NRG1: variants seen among roughly 807,000 people sequenced by gnomAD.
NRG1 encodes the protein neuregulin 1, also known as pro-neuregulin-1, membrane-bound isoform.
NRG1 carries 18 observed loss-of-function variants against 63.8 expected under a neutral mutation model. The observed-to-expected ratio is 0.28, with a 90% confidence interval of 0.19 to 0.42. NRG1 has a LOEUF of 0.42. Among genes scored for constraint, NRG1 ranks in the 10% least tolerant of loss-of-function variants. The probability of loss-of-function intolerance (pLI) is 1.00; values close to 1 mark genes in which losing one functional copy is unlikely to be tolerated. For synonymous variants in NRG1, 302 were observed against 301.3 expected (o/e 1.00, Z -0.02); for missense variants, 762 against 814.7 (o/e 0.94, Z 0.79).
intron 1 of NRG1, among the ~76,000 whole-genome samples, chr8:32,336,686 T>G (rs1022433784): frequency 6.6e-6 from 1 of 152,162 alleles, no homozygotes; most frequent in African/African-American, 2.4e-5. Context: ...CTGGGCTCAC[T>G]GCAACCTCCG....
chr8:32,247,345 A>G (rs761195100), intron 1 of NRG1, among the ~76,000 whole-genome samples: 2 of 152,134 alleles, frequency 1.3e-5, no homozygotes, highest in Non-Finnish European at 2.9e-5. Context: ...ATTTATACTG[A>G]TAACATTCTG....
chr8:32,018,665 A>C (rs1399185046), intron 1 of NRG1, among the ~76,000 whole-genome samples: 3 of 152,070 alleles, frequency 2.0e-5, no homozygotes, highest in African/African-American at 7.2e-5. Flanking sequence ...TTTCACTGTC[A>C]TGTTGATGGA....
chr8:32,506,650 A>G (rs1192748508), intron 1 of NRG1, among the ~76,000 whole-genome samples: 1 of 152,146 alleles, frequency 6.6e-6, no homozygotes, highest in Admixed American at 6.5e-5. Flanking sequence ...TTTGGAGAGG[A>G]AAAGACAAGG....
chr8:32,179,973 T>C (rs1380323563), intron 1 of NRG1, among the ~76,000 whole-genome samples: 2 of 152,172 alleles, frequency 1.3e-5, no homozygotes, highest in Non-Finnish European at 2.9e-5. Context: ...CAAATCAGCC[T>C]CCATTCTAAT....
chr8:32,241,067 C>T (rs1287313776), intron 1 of NRG1, among the ~76,000 whole-genome samples: 1 of 152,082 alleles, frequency 6.6e-6, no homozygotes, highest in Non-Finnish European at 1.5e-5. Flanking sequence ...GTTCAGCATG[C>T]ATCAGATTCC....
chr8:31,721,603 A>G (rs13259768), intron 1 of NRG1, among the ~76,000 whole-genome samples: 42,933 of 152,060 alleles, frequency 0.28, 7,167 homozygotes, highest in Non-Finnish European at 0.36. Flanking sequence ...GAAAAAAGAA[A>G]CTAAGGCTAT....
At chr8:32,712,356 T>G (rs1230647845) in intron 5 of NRG1, among the ~76,000 whole-genome samples, 1 of 152,220 alleles carries the variant, frequency 6.6e-6, no homozygotes, top group Non-Finnish European at 1.5e-5. Flanking sequence ...CATGTAATGG[T>G]CAGCAGACAT....
At chr8:32,716,118 A>G (rs765730676) in intron 5 of NRG1, among the ~76,000 whole-genome samples, 3 of 152,190 alleles carry the variant, frequency 2.0e-5, no homozygotes, top group Non-Finnish European at 4.4e-5. Context: ...ATGTCTCTCC[A>G]TTATGGGAGT....
intron 1 of NRG1, among the ~76,000 whole-genome samples, chr8:32,150,510 C>A (rs1036338550): frequency 2.0e-5 from 3 of 152,194 alleles, no homozygotes; most frequent in Non-Finnish European, 4.4e-5. Context: ...TGCCCTTCTG[C>A]TTCTGCCATG....
chr8:32,453,404 A>G (rs1031752101), intron 1 of NRG1, among the ~76,000 whole-genome samples: 1 of 152,200 alleles, frequency 6.6e-6, no homozygotes, highest in African/African-American at 2.4e-5. Context: ...CTCATCATAA[A>G]CAAGCAGTAA....
At chr8:32,081,227 T>G (rs1020922278) in intron 1 of NRG1, among the ~76,000 whole-genome samples, 1 of 152,142 alleles carries the variant, frequency 6.6e-6, no homozygotes. Flanking sequence ...TACATCTCCT[T>G]AAGCCATTCT....
At chr8:32,609,795 T>C (rs111785387) in intron 3 of NRG1, among the ~76,000 whole-genome samples, 3,390 of 151,280 alleles carry the variant, frequency 0.022, 131 homozygotes, top group African/African-American at 0.079. Flanking sequence ...CCTCAGCCTC[T>C]TGAGTAGCTG....
intron 1 of NRG1, among the ~76,000 whole-genome samples, chr8:32,363,471 C>A (rs748487505): frequency 3.1e-4 from 47 of 152,100 alleles, no homozygotes; most frequent in Non-Finnish European, 6.5e-4. Context: ...ATTTCTCTAA[C>A]GGGAGTATGA....
chr8:32,299,291 G>GTT (rs1310437019), intron 1 of NRG1, among the ~76,000 whole-genome samples: 1 of 152,092 alleles, frequency 6.6e-6, no homozygotes, highest in Non-Finnish European at 1.5e-5. Flanking sequence ...GCAAAAACAT[G>GTT]TTTGCTTTCT....
chr8:31,825,323 G>A (rs1471105876), intron 1 of NRG1, among the ~76,000 whole-genome samples: 1 of 152,056 alleles, frequency 6.6e-6, no homozygotes, highest in Non-Finnish European at 1.5e-5. Flanking sequence ...GGGAGGCGCA[G>A]CTTGCAGTGA....
At position 32,345,740 on chromosome 8, in the gene NRG1, C is replaced by T. The variant is rs576809509; in HGVS notation, c.38-250088C>T. 1.2e-4 allele frequency among the ~76,000 whole-genome samples: 19 copies of T among 152,180 alleles called. No individual in the cohort carries two copies. The South Asian group carries it at 2.7e-3, about 22-fold the overall frequency. ...ATCCCAGCACTTAGCGAGACTGAGG[C>T]GGGTGGATCATTTGAGGTCAGGAGT... On this transcript the variant is annotated intron_variant, in intron 1 of 10. Coordinates refer to the NRG1 transcript ENST00000519301.
At chr8:31,971,440 T>G (rs911653064) in intron 1 of NRG1, among the ~76,000 whole-genome samples, 8 of 152,192 alleles carry the variant, frequency 5.3e-5, no homozygotes, top group African/African-American at 1.7e-4. Flanking sequence ...GCAAGGTGTA[T>G]GGATTAAGGT....
chr8:31,935,507 C>T (rs1279223887), intron 1 of NRG1, among the ~76,000 whole-genome samples: 1 of 152,178 alleles, frequency 6.6e-6, no homozygotes, highest in Non-Finnish European at 1.5e-5. Context: ...GTCCTCCCGC[C>T]TCAGCCTCCC....
At chr8:31,931,486 A>G (rs890732510) in intron 1 of NRG1, among the ~76,000 whole-genome samples, 2 of 152,146 alleles carry the variant, frequency 1.3e-5, no homozygotes, top group Non-Finnish European at 2.9e-5. Context: ...AATTTTTGTG[A>G]TCATTATTAT....
Sources: gnomAD v4.1 joint callset for allele counts (sites outside exome capture counted in the v4.1 genomes callset) on GRCh38, gnomAD v4.1.1 for gene constraint, MANE v1.5 for transcripts, NCBI Gene and HGNC (gene_info 2026-07-23, HGNC 2026-07-21) for gene names.